MICAL3: variants seen among roughly 807,000 people sequenced by gnomAD.
The protein encoded by MICAL3 is [F-actin]-monooxygenase MICAL3.
Under a neutral mutation model 207.4 loss-of-function variants are expected in MICAL3, and 62 were observed. The observed-to-expected ratio is 0.30, with a 90% CI of 0.24 to 0.37. The LOEUF (loss-of-function observed/expected upper bound fraction) is 0.37. Among genes scored for constraint, MICAL3 ranks in the 10% least tolerant of loss-of-function variants. The pLI is 1.00. For missense variants in MICAL3, 2,368 were observed against 2,635.6 expected (o/e 0.90, Z 2.22); for synonymous variants, 1,077 against 1,069.3 (o/e 1.01, Z -0.14).
chr22:17,958,247 C>T (rs531668711), intron 1 of MICAL3, among the ~76,000 whole-genome samples: 1 of 152,272 alleles, frequency 6.6e-6, no homozygotes, highest in Admixed American at 6.5e-5. Flanking sequence ...TGTCCATTAC[C>T]TCATTGGCCA....
At chr22:17,889,569 G>A (rs1423455795) in intron 12 of MICAL3, among the ~76,000 whole-genome samples, 1 of 152,208 alleles carries the variant, frequency 6.6e-6, no homozygotes, top group Non-Finnish European at 1.5e-5. Context: ...GTTCACACCT[G>A]TGATCCCAAC....
Position 17,862,022 on chromosome 22 carries a change from G to A in MICAL3, c.2605+2877C>T, listed in dbSNP as rs972524083. 2.5e-5 allele frequency: 25 copies of A among 985,388 alleles called. No individual in the cohort carries two copies. In the African/African-American group the frequency reaches 4.2e-4, roughly 16 times the overall value. 61.0% of individuals were successfully genotyped at this position (985,388 alleles called of 1,614,324 possible). A position where few individuals can be genotyped will look rare whatever the true frequency, so the allele number is the denominator to read the frequency against. ...GAGAAATGCCACAATATAAAGAGGA[G>A]GCACAGAGTAAAAGCACAGCTGGGT... On this transcript the variant is annotated intron_variant, in intron 19 of 31. Transcript: ENST00000441493.
chr22:17,799,275 A>G (rs1025480217), intron 29 of MICAL3, among the ~76,000 whole-genome samples: 6 of 152,138 alleles, frequency 3.9e-5, no homozygotes, highest in Non-Finnish European at 8.8e-5. Flanking sequence ...CCAGCTACTC[A>G]GGAGGCTGAG....
intron 1 of MICAL3, among the ~76,000 whole-genome samples, chr22:17,987,421 C>T (rs568675170): frequency 5.9e-5 from 9 of 152,302 alleles, no homozygotes; most frequent in East Asian, 3.9e-4. Context: ...GTACGGTCCC[C>T]GCCCTCTGCA....
intron 22 of MICAL3, 80 bp from the exon 23 acceptor site, chr22:17,823,140 C>T (rs1921824647): frequency 5.2e-6 from 5 of 954,342 alleles, no homozygotes; most frequent in Non-Finnish European, 8.3e-6. Context: ...GCGAGAGGTA[C>T]TGCCTTTCTC....
intron 1 of MICAL3, among the ~76,000 whole-genome samples, chr22:17,914,733 G>A (rs931610884): frequency 6.6e-5 from 10 of 152,222 alleles, no homozygotes; most frequent in African/African-American, 2.4e-4. Flanking sequence ...CCAAATGGCA[G>A]TGAGAGCAGT....
rs1382068134 is a variant in MICAL3, at chr22:17,889,173, G to C, written c.1752C>G (p.Asp584Glu). ...NVEKNNQLAF[D>E]IAEKELGISP... Reference sequence around the variant, plus strand: ...AAATGCCCAATTCCTTCTCAGCAATGTCAAAGGCCAGTTGGTTATTCTTCT... The same window carrying C: ...AAATGCCCAATTCCTTCTCAGCAATCTCAAAGGCCAGTTGGTTATTCTTCT... Residue 584 changes from aspartate (D) to glutamate (E), a missense_variant, in exon 13 of 32, where the codon GAC (aspartate) becomes GAG (glutamate). Asp to Glu is a conservative substitution (Grantham distance 45). This residue lies in a region of MICAL3 where 51 missense variants were observed against 87.8 expected (regional missense o/e 0.58). Coordinates refer to ENST00000441493, the MANE Select transcript of MICAL3 (RefSeq NM_015241.3). 6.2e-6 allele frequency: 10 copies of C among 1,613,798 alleles called. 1 individual carries two copies. In the East Asian group the frequency reaches 2.2e-4, roughly 36 times the overall value.
rs1345881314 is a variant in MICAL3, at chr22:17,877,338, G to C, written c.2242-5315C>G. Among the ~76,000 whole-genome samples, 3 of 111,098 alleles carry C rather than the reference G, an allele frequency of 2.7e-5. 1 individual carries two copies. Among genetic ancestry groups the C allele is most frequent in the African/African-American group, 1.6e-4 (3 of 18,896 alleles). The allele number at this position is 111,098 out of a possible 152,430, so 72.9% of individuals were successfully genotyped here. A position where few individuals can be genotyped will look rare whatever the true frequency, so the allele number is the denominator to read the frequency against. On this transcript the variant is annotated intron_variant, in intron 16 of 31. Transcript: ENST00000441493. ...TAGGGAGGTTAGGGAGGTTATGGAG[G>C]TTAGGGAGGTTAGGGAGGTTATGGA...
chr22:17,878,070 G>C (rs944877167), intron 16 of MICAL3, among the ~76,000 whole-genome samples: 1 of 151,988 alleles, frequency 6.6e-6, no homozygotes, highest in African/African-American at 2.4e-5. Flanking sequence ...AGCCAGGATG[G>C]TCTCGATCTC....
chr22:18,021,492 A>T (rs1294797975), intron 1 of MICAL3, among the ~76,000 whole-genome samples: 1 of 152,246 alleles, frequency 6.6e-6, no homozygotes, highest in African/African-American at 2.4e-5. Flanking sequence ...GGCCCAGGTG[A>T]AATGAAGGCA....
At chr22:17,843,493 T>C (rs989413826) in intron 19 of MICAL3, among the ~76,000 whole-genome samples, 1 of 152,164 alleles carries the variant, frequency 6.6e-6, no homozygotes, top group Non-Finnish European at 1.5e-5. Context: ...TGAAGGGTCT[T>C]AGAAAATTTA....
chr22:17,816,682 C>A lies in MICAL3; in HGVS notation c.5445+8G>T, dbSNP rs1479261496. Reference sequence around the variant, plus strand: ...AGGCCCTGTGAAGCCCCCTGCCTGACTACCCACCTCTCGCCGGGACTTCTG... The same window carrying A: ...AGGCCCTGTGAAGCCCCCTGCCTGAATACCCACCTCTCGCCGGGACTTCTG... On this transcript the variant is annotated splice_region_variant and intron_variant, in intron 27 of 31. Transcript: ENST00000441493. 2 of 1,550,488 alleles carry A rather than the reference C, an allele frequency of 1.3e-6. No homozygotes were observed. The highest frequency in any genetic ancestry group is 1.7e-6 in the Non-Finnish European group (2 of 1,146,106).
chr22:17,993,814 G>C (rs1480941878), intron 1 of MICAL3, among the ~76,000 whole-genome samples: 2 of 148,938 alleles, frequency 1.3e-5, no homozygotes, highest in African/African-American at 5.1e-5. Context: ...ATATGGAGGA[G>C]GGGTCTGAAG....
intron 23 of MICAL3, 77 bp from the exon 24 acceptor site, chr22:17,822,247 C>A: frequency 6.6e-7 from 1 of 1,514,214 alleles, no homozygotes. Flanking sequence ...AGCAGCCGCG[C>A]CACTTGCTCA....
chr22:17,969,586 T>C (rs1935310600), intron 1 of MICAL3, among the ~76,000 whole-genome samples: 1 of 152,204 alleles, frequency 6.6e-6, no homozygotes, highest in South Asian at 2.1e-4. Context: ...TGGTTTATCT[T>C]AGAAATGATT....
chr22:17,882,306 G>A (rs5992889), intron 16 of MICAL3, among the ~76,000 whole-genome samples: 36,845 of 152,144 alleles, frequency 0.24, 5,897 homozygotes, highest in African/African-American at 0.45. Flanking sequence ...CCTAGGCTGA[G>A]GCGGGCCCTT....
rs537859263 is a variant in MICAL3 at position 17,903,037 on chromosome 22, C to A, written c.473-290G>T. On this transcript the variant is annotated intron_variant, in intron 3 of 31. Transcript: ENST00000441493. ...GGAGACAACATGGGACTGTGGCCTA[C>A]AGGAGGTTCCTTTCCATCTTCCCAA... Among the ~76,000 whole-genome samples, 9 of 152,358 alleles carry A rather than the reference C, an allele frequency of 5.9e-5. No individual in the cohort carries two copies. In the South Asian group the frequency reaches 1.9e-3, roughly 32 times the overall value.
chr22:17,916,113 A>G (rs1476985014), intron 1 of MICAL3, among the ~76,000 whole-genome samples: 1 of 151,682 alleles, frequency 6.6e-6, no homozygotes, highest in Admixed American at 6.6e-5. Flanking sequence ...AAACCAAAAA[A>G]CGAAAACACA....
intron 1 of MICAL3, among the ~76,000 whole-genome samples, chr22:17,952,352 G>A (rs900292636): frequency 2.6e-5 from 4 of 152,150 alleles, no homozygotes; most frequent in Admixed American, 6.5e-5. Flanking sequence ...AAACCTCCAA[G>A]GAAATCCGCA....
Sources: gnomAD v4.1 joint callset for allele counts (sites outside exome capture counted in the v4.1 genomes callset) on GRCh38, gnomAD v4.1.1 for gene constraint, gnomAD v4.1.1 regional missense constraint, MANE v1.5 for transcripts, NCBI Gene and HGNC (gene_info 2026-07-23, HGNC 2026-07-21) for gene names.